Variants in SLC38A1 observed in about 807,000 individuals in gnomAD.
SLC38A1 encodes solute carrier family 38 member 1, also known as sodium-coupled neutral amino acid symporter 1.
A neutral mutation model predicts 60.3 loss-of-function variants in SLC38A1; 18 were observed. The ratio of observed to expected loss-of-function variants is 0.30; its 90% CI spans 0.21 to 0.44. The LOEUF (loss-of-function observed/expected upper bound fraction) is 0.44. Ranked by LOEUF, SLC38A1 falls within the 20% of genes least tolerant of loss-of-function variation. SLC38A1 has a pLI of 1.00. For missense variants in SLC38A1, 448 were observed against 587.2 expected (o/e 0.76, Z 2.45); for synonymous variants, 196 against 212.1 (o/e 0.92, Z 0.66).
chr12:46,225,685 A>C (rs139212820), intron 5 of SLC38A1, among the ~76,000 whole-genome samples: 105 of 152,302 alleles, frequency 6.9e-4, no homozygotes, highest in African/African-American at 2.4e-3. Flanking sequence ...TATTGCGAAC[A>C]AGCCCCACTC....
chr12:46,252,995 T>TG (rs1271704094), intron 1 of SLC38A1, among the ~76,000 whole-genome samples: 4 of 110,568 alleles, frequency 3.6e-5, no homozygotes, highest in South Asian at 3.9e-4. Flanking sequence ...TATCTTTTTT[T>TG]GAAAAAAAAA....
At chr12:46,230,973 T>C (rs1000792357) in intron 3 of SLC38A1, among the ~76,000 whole-genome samples, 1 of 152,108 alleles carries the variant, frequency 6.6e-6, no homozygotes, top group Non-Finnish European at 1.5e-5. Context: ...AAGGAAACTA[T>C]TATATCAAAA....
Position 46,197,704 on chromosome 12 carries a change from C to G in SLC38A1, c.1362+16G>C, listed in dbSNP as rs758085796. 1.4e-6 allele frequency: 2 copies of G among 1,478,392 alleles called. No individual in the cohort carries two copies. Among genetic ancestry groups the G allele is most frequent in the Non-Finnish European group, 1.9e-6 (2 of 1,075,582 alleles). The allele number at this position is 1,478,392 out of a possible 1,614,324, so 91.6% of individuals were successfully genotyped here. A position where few individuals can be genotyped will look rare whatever the true frequency, so the allele number is the denominator to read the frequency against. On this transcript the variant is annotated intron_variant, in intron 16 of 16. Transcript: ENST00000398637. ...AAACTAATCAGAAAAGTTAGAGTGG[C>G]TGGCAAGAGACATACCCAAATTCTT...
At chr12:46,215,159 G>A (rs1234377575) in intron 5 of SLC38A1, among the ~76,000 whole-genome samples, 1 of 152,168 alleles carries the variant, frequency 6.6e-6, no homozygotes, top group Non-Finnish European at 1.5e-5. Context: ...TGGCCTTGTG[G>A]TGTATACATT....
At chr12:46,195,556 T>A (rs116910033) in intron 16 of SLC38A1, among the ~76,000 whole-genome samples, 128 of 152,310 alleles carry the variant, frequency 8.4e-4, no homozygotes, top group Non-Finnish European at 1.5e-3. Context: ...AGAGGTGGAA[T>A]CTATAGAGGC....
chr12:46,232,575 C>T (rs184783913), intron 3 of SLC38A1, among the ~76,000 whole-genome samples: 20 of 152,320 alleles, frequency 1.3e-4, no homozygotes, highest in Admixed American at 1.1e-3. Context: ...AAGCAGCCTT[C>T]CCTTTCACAC....
chr12:46,202,455 C>A (rs1048531891), intron 12 of SLC38A1, among the ~76,000 whole-genome samples: 1 of 152,002 alleles, frequency 6.6e-6, no homozygotes, highest in Non-Finnish European at 1.5e-5. Flanking sequence ...TATAAGCAGG[C>A]CTTAATTTTC....
intron 1 of SLC38A1, among the ~76,000 whole-genome samples, chr12:46,261,393 A>G (rs1269651239): frequency 6.6e-6 from 1 of 152,190 alleles, no homozygotes; most frequent in Non-Finnish European, 1.5e-5. Context: ...TAATCTTTTT[A>G]TTTACAATTT....
intron 1 of SLC38A1, among the ~76,000 whole-genome samples, chr12:46,245,533 A>G (rs2138461128): frequency 6.6e-6 from 1 of 152,372 alleles, no homozygotes; most frequent in East Asian, 1.9e-4. Flanking sequence ...TTGGTGCACC[A>G]TTATAGAAAA....
intron 5 of SLC38A1, among the ~76,000 whole-genome samples, chr12:46,221,601 AAAT>A (rs1940660951): frequency 6.6e-6 from 1 of 152,182 alleles, no homozygotes; most frequent in Non-Finnish European, 1.5e-5. Flanking sequence ...TGGTTTTGCA[AAAT>A]CTAATTCTTA....
chr12:46,202,404 A>C (rs1231834244), intron 12 of SLC38A1, among the ~76,000 whole-genome samples: 1 of 152,122 alleles, frequency 6.6e-6, no homozygotes, highest in Non-Finnish European at 1.5e-5. Context: ...ATTTTTGTTT[A>C]TGTTTGATAA....
At chr12:46,190,964 T>C (rs1163921173) in intron 16 of SLC38A1, among the ~76,000 whole-genome samples, 3 of 152,228 alleles carry the variant, frequency 2.0e-5, no homozygotes, top group Non-Finnish European at 4.4e-5. Context: ...ATTTTGGCTT[T>C]TGTTGCCATT....
At chr12:46,203,181 C>A in intron 11 of SLC38A1, 92 bp from the exon 12 acceptor site, 1 of 1,008,554 alleles carries the variant, frequency 9.9e-7, no homozygotes, top group Non-Finnish European at 1.5e-6. Flanking sequence ...TTTTATCTGA[C>A]AGCTCTTCAG....
rs1375346315 is a variant in SLC38A1 at position 46,206,129 on chromosome 12, C to T, written c.597G>A (p.Val199=). ...AWYVDGRVLV[V]IVTFGIILPL... is the part of the protein sequence containing the mutation. Reference sequence around the variant, plus strand: ...GGAGAATTATGCCAAAGGTAACTATCACCACCAGAACGCGGCCATCCACGT... The same window carrying T: ...GGAGAATTATGCCAAAGGTAACTATTACCACCAGAACGCGGCCATCCACGT... The change falls in exon 9 of 17, where the codon GTG becomes GTA. Residue 199 remains valine (V), a synonymous_variant. Coordinates refer to ENST00000398637, the MANE Select transcript of SLC38A1 (RefSeq NM_030674.4). 6.2e-7 allele frequency: 1 copy of T among 1,612,138 alleles called. No homozygotes were observed. Among genetic ancestry groups the T allele is most frequent in the Non-Finnish European group, 8.5e-7 (1 of 1,178,748 alleles).
chr12:46,244,951 C>G (rs1481920474), intron 1 of SLC38A1, among the ~76,000 whole-genome samples: 2 of 151,938 alleles, frequency 1.3e-5, no homozygotes, highest in African/African-American at 4.8e-5. Flanking sequence ...TAATGAACTC[C>G]CATATACCAA....
At position 46,229,603 on chromosome 12, in the gene SLC38A1, G is replaced by T; in HGVS notation, c.159C>A (p.Leu53=). 1 of 1,613,532 alleles carries T rather than the reference G, an allele frequency of 6.2e-7. No homozygotes were observed. Among genetic ancestry groups the T allele is most frequent in the South Asian group, 1.1e-5 (1 of 91,044 alleles). Residue 53 remains leucine (L), a synonymous_variant, in exon 4 of 17, where the codon CTC becomes CTA. Transcript: ENST00000398637. ...FISDRESRRS[L]TNSHLEKKKC... ...TCTTTTTTTCCAAATGGCTGTTTGT[G>T]AGACTTCTTCTACTTTCACGATCAG...
In SLC38A1 at chr12:46,183,190, A is replaced by G. The variant is rs1938825397; in HGVS notation, c.*5780T>C. ...AAAACCCAGTTCTATTTGATTAACT[A>G]TGAATAGCAAAGTTTTGTGACTTGT... On this transcript the variant is annotated 3_prime_UTR_variant, in exon 17 of 17. Transcript: ENST00000398637. 1 of 152,370 alleles carries G rather than the reference A, an allele frequency of 6.6e-6. No individual in the cohort carries two copies. The highest frequency in any genetic ancestry group is 1.5e-5 in the Non-Finnish European group (1 of 68,032). The allele number at this position is 152,370 out of a possible 1,614,324, so 9.4% of individuals were successfully genotyped here.
Position 46,185,066 on chromosome 12 carries a change from G to A in SLC38A1, c.*3904C>T, listed in dbSNP as rs1379473119. On this transcript the variant is annotated 3_prime_UTR_variant, in exon 17 of 17. Coordinates refer to ENST00000398637, the MANE Select transcript of SLC38A1 (RefSeq NM_030674.4). The stretch of plus-strand genomic sequence containing the variant: ...CTGTATGTTGCACCATGAGTCCTAG[G>A]AATCATCTGGTGAGGGAGGACTAAT... The A allele has an allele frequency of 1.3e-5, 2 of 152,138 alleles. No individual in the cohort carries two copies. The highest frequency in any genetic ancestry group is 6.6e-5 in the Admixed American group (1 of 15,266). The allele number at this position is 152,138 out of a possible 1,614,324, so 9.4% of individuals were successfully genotyped here. A position where few individuals can be genotyped will look rare whatever the true frequency, so the allele number is the denominator to read the frequency against.
intron 2 of SLC38A1, among the ~76,000 whole-genome samples, chr12:46,242,146 T>C (rs1941468598): frequency 6.6e-6 from 1 of 152,146 alleles, no homozygotes; most frequent in African/African-American, 2.4e-5. Context: ...GAAGTCCTGG[T>C]CACTAAAATT....
Sources: allele counts gnomAD v4.1 joint callset (sites outside exome capture counted in the v4.1 genomes callset), GRCh38; gene constraint gnomAD v4.1.1; transcripts MANE v1.5; gene names NCBI Gene and HGNC (gene_info 2026-07-23, HGNC 2026-07-21).